P2RY14: variants seen among roughly 807,000 people sequenced by gnomAD.
P2RY14 encodes the protein P2Y purinoceptor 14.
P2RY14 carries 2 observed loss-of-function variants against 0.9 expected under a neutral mutation model. That is an observed-to-expected ratio of 2.16 (90% CI 0.88 to 6.79). P2RY14 has a LOEUF of 6.79. Among genes scored for constraint, P2RY14 ranks in the 30% most tolerant of loss-of-function variants. The probability of loss-of-function intolerance (pLI) is 0.05; values close to 1 mark genes in which losing one functional copy is unlikely to be tolerated. For missense variants in P2RY14, 378 were observed against 400.1 expected (o/e 0.94, Z 0.47); for synonymous variants, 158 against 147.2 (o/e 1.07, Z -0.53).
At chr3:151,225,005 A>G (rs150829537) in intron 1 of P2RY14, among the ~76,000 whole-genome samples, 87 of 152,222 alleles carry the variant, frequency 5.7e-4, no homozygotes, top group African/African-American at 2.1e-3. Flanking sequence ...ATTTTATATT[A>G]TTTACTAGTG....
At chr3:151,269,606 T>C (rs1390506877) in intron 1 of P2RY14, 6 of 347,422 alleles carry the variant, frequency 1.7e-5, no homozygotes, top group Non-Finnish European at 3.4e-5. Flanking sequence ...TCTACATTAC[T>C]TGGGGAGGAA....
chr3:151,213,044 G>C lies in P2RY14; in HGVS notation c.*256C>G, dbSNP rs962414598. On this transcript the variant is annotated 3_prime_UTR_variant, in exon 3 of 3. Transcript: ENST00000309170. ...AACTTTAACTTATTTTAATATAATA[G>C]AATTGAATAATTGTATGTATTAATT... The C allele has an allele frequency of 8.8e-6, 2 of 227,960 alleles. No individual in the cohort carries two copies. Among genetic ancestry groups the C allele is most frequent in the African/African-American group, 4.6e-5 (2 of 43,912 alleles). The allele number at this position is 227,960 out of a possible 1,614,324, so 14.1% of individuals were successfully genotyped here.
Position 151,269,150 on chromosome 3 carries a change from C to A in P2RY14, c.-133+9137G>T, listed in dbSNP as rs1385654295. Among the ~76,000 whole-genome samples the A allele has an allele frequency of 2.0e-5, 3 of 152,118 alleles. No homozygotes were observed. The East Asian group carries it at 5.8e-4, about 29-fold the overall frequency. On this transcript the variant is annotated intron_variant, in intron 1 of 2. Coordinates refer to ENST00000309170, the MANE Select transcript of P2RY14 (RefSeq NM_014879.4). Reference sequence around the variant, plus strand: ...ACAGGCTGGGCGCGGTGGCTTATGCCTATACTCTGGGAGGCCAAGGTGGGT... The same window carrying A: ...ACAGGCTGGGCGCGGTGGCTTATGCATATACTCTGGGAGGCCAAGGTGGGT...
intron 1 of P2RY14, among the ~76,000 whole-genome samples, chr3:151,248,139 G>A (rs546994893): frequency 3.0e-4 from 46 of 151,860 alleles, no homozygotes; most frequent in Non-Finnish European, 5.2e-4. Context: ...AACAAAAAAT[G>A]CTATGAATGT....
chr3:151,248,520 C>T (rs1019098502), intron 1 of P2RY14, among the ~76,000 whole-genome samples: 3 of 152,148 alleles, frequency 2.0e-5, no homozygotes, highest in Non-Finnish European at 4.4e-5. Flanking sequence ...CCCAGCTGTA[C>T]TGGTCCACTT....
chr3:151,262,585 T>A (rs1326491320), intron 1 of P2RY14, among the ~76,000 whole-genome samples: 2 of 152,188 alleles, frequency 1.3e-5, no homozygotes, highest in Non-Finnish European at 2.9e-5. Context: ...AGTTTGTATA[T>A]GTGTTTTTTA....
At chr3:151,252,063 A>T (rs559293779) in intron 1 of P2RY14, among the ~76,000 whole-genome samples, 3 of 152,244 alleles carry the variant, frequency 2.0e-5, no homozygotes, top group Admixed American at 6.5e-5. Flanking sequence ...CTACTTTCAG[A>T]TGCAGTTGGC....
chr3:151,265,224 C>T (rs931044493), intron 1 of P2RY14, among the ~76,000 whole-genome samples: 1 of 152,182 alleles, frequency 6.6e-6, no homozygotes, highest in African/African-American at 2.4e-5. Context: ...GGGAGCTACT[C>T]ATAGAATATA....
chr3:151,236,695 T>C (rs1009064772), intron 1 of P2RY14, among the ~76,000 whole-genome samples: 6 of 152,234 alleles, frequency 3.9e-5, no homozygotes, highest in South Asian at 2.1e-4. Context: ...AATGAAGTTA[T>C]GATTTTAAAA....
chr3:151,240,780 A>G (rs1197680797), intron 1 of P2RY14, among the ~76,000 whole-genome samples: 1 of 152,232 alleles, frequency 6.6e-6, no homozygotes, highest in Non-Finnish European at 1.5e-5. Context: ...TTTATATATT[A>G]ATCATGGTTT....
chr3:151,247,819 T>G (rs1489922149), intron 1 of P2RY14, among the ~76,000 whole-genome samples: 1 of 152,022 alleles, frequency 6.6e-6, no homozygotes, highest in Non-Finnish European at 1.5e-5. Context: ...TTTTCTCCAT[T>G]TAGAGAGTCA....
chr3:151,228,128 G>A (rs1229195957), intron 1 of P2RY14, among the ~76,000 whole-genome samples: 1 of 152,206 alleles, frequency 6.6e-6, no homozygotes, highest in Admixed American at 6.5e-5. Flanking sequence ...GGAATGTGAA[G>A]TGTGCTTTAT....
At chr3:151,272,319 A>T (rs1306569336) in intron 1 of P2RY14, among the ~76,000 whole-genome samples, 2 of 152,238 alleles carry the variant, frequency 1.3e-5, no homozygotes, top group Non-Finnish European at 2.9e-5. Flanking sequence ...AAAACAGGAC[A>T]TGTTTTTGGA....
chr3:151,225,105 G>A (rs1439514214), intron 1 of P2RY14, among the ~76,000 whole-genome samples: 3 of 152,120 alleles, frequency 2.0e-5, no homozygotes, highest in African/African-American at 7.2e-5. Context: ...TGCCTATTGG[G>A]CTTGCCTTTC....
chr3:151,247,793 G>A (rs544262777), intron 1 of P2RY14, among the ~76,000 whole-genome samples: 1 of 151,602 alleles, frequency 6.6e-6, no homozygotes, highest in South Asian at 2.1e-4. Context: ...AATGAATTAG[G>A]ACTTAAGAAG....
intron 1 of P2RY14, among the ~76,000 whole-genome samples, chr3:151,275,031 C>G (rs57738995): frequency 7.9e-4 from 121 of 152,290 alleles, no homozygotes; most frequent in African/African-American, 2.8e-3. Context: ...GGGCTCGACT[C>G]ACTGGGAAGA....
intron 1 of P2RY14, among the ~76,000 whole-genome samples, chr3:151,230,443 A>G (rs572324006): frequency 4.3e-4 from 66 of 152,342 alleles, no homozygotes; most frequent in Non-Finnish European, 7.6e-4. Context: ...TGCCTCAGGT[A>G]TAATACCTGT....
At chr3:151,272,947 G>A (rs563094589) in intron 1 of P2RY14, among the ~76,000 whole-genome samples, 3 of 152,254 alleles carry the variant, frequency 2.0e-5, no homozygotes, top group Non-Finnish European at 2.9e-5. Context: ...TCTGAAGTCC[G>A]AAGTGCTTCA....
intron 1 of P2RY14, among the ~76,000 whole-genome samples, chr3:151,272,274 C>G (rs146208146): frequency 6.6e-6 from 1 of 152,264 alleles, no homozygotes; most frequent in African/African-American, 2.4e-5. Context: ...CAAATAGGGT[C>G]AAGGTTTCTC....
Sources: allele counts gnomAD v4.1 joint callset (sites outside exome capture counted in the v4.1 genomes callset), GRCh38; gene constraint gnomAD v4.1.1; transcripts MANE v1.5; gene names NCBI Gene and HGNC (gene_info 2026-07-23, HGNC 2026-07-21).